Variants in SGIP1 observed in about 807,000 individuals in gnomAD.
SGIP1 encodes SH3GL interacting endocytic adaptor 1.
In SGIP1, 38 loss-of-function variants were observed where a neutral mutation model predicts 107.5. The ratio of observed to expected loss-of-function variants is 0.35; its 90% CI spans 0.27 to 0.46. The LOEUF (loss-of-function observed/expected upper bound fraction) is 0.46, where lower values mean the gene tolerates loss of function less well. Among genes scored for constraint, SGIP1 ranks in the 20% least tolerant of loss-of-function variants. The pLI is 1.00. For missense variants in SGIP1, 929 were observed against 1,019.5 expected (o/e 0.91, Z 1.21); for synonymous variants, 365 against 366.1 (o/e 1.00, Z 0.03).
In SGIP1 at chr1:66,692,784, G is replaced by A. The variant is rs191333159; in HGVS notation, c.1570+2468G>A. 1.7e-3 allele frequency among the ~76,000 whole-genome samples: 262 copies of A among 152,256 alleles called. 4 individuals carry two copies. The South Asian group carries it at 0.029, about 17-fold the overall frequency. The stretch of plus-strand genomic sequence containing the variant: ...TAATTCAAGAACTAAAGTTTTAAGA[G>A]CAAGTCTAAACCTTCTACACAGCAA... On this transcript the variant is annotated intron_variant, in intron 17 of 24. Coordinates refer to ENST00000371037, the MANE Select transcript of SGIP1 (RefSeq NM_032291.4).
rs185637606 is a variant in SGIP1, at chr1:66,651,492, A to G, written c.459+7773A>G. Reference sequence around the variant, plus strand: ...GATGAAAGCCATTGACTCTCTTTCTAGAAAAAAAAGTTCACTAGCTCATTC... The same window carrying G: ...GATGAAAGCCATTGACTCTCTTTCTGGAAAAAAAAGTTCACTAGCTCATTC... On this transcript the variant is annotated intron_variant, in intron 7 of 24. Transcript: ENST00000371037. Among the ~76,000 whole-genome samples, 981 of 148,586 alleles carry G rather than the reference A, an allele frequency of 6.6e-3. 13 individuals carry two copies. Among genetic ancestry groups the G allele is most frequent in the African/African-American group, 0.023 (922 of 40,904 alleles).
chr1:66,558,589 G>A (rs1220182495), intron 1 of SGIP1, among the ~76,000 whole-genome samples: 1 of 151,938 alleles, frequency 6.6e-6, no homozygotes, highest in Non-Finnish European at 1.5e-5. Context: ...CCTACTATGT[G>A]CCAGACACTG....
intron 19 of SGIP1, 96 bp downstream of exon 19, chr1:66,719,501 G>T: frequency 1.2e-6 from 1 of 858,080 alleles, no homozygotes; most frequent in Non-Finnish European, 1.7e-6. Context: ...CTTTTAAAAA[G>T]CAAAAAATAA....
intron 1 of SGIP1, among the ~76,000 whole-genome samples, chr1:66,535,007 T>C (rs1328843830): frequency 3.9e-5 from 6 of 152,292 alleles, no homozygotes; most frequent in African/African-American, 9.6e-5. Flanking sequence ...AAAAAGAATT[T>C]TGTGCTCCCT....
At position 66,750,572 on chromosome 1, in the gene SGIP1, A is replaced by G. The variant is rs2094610282; in HGVS notation, c.*7477A>G. Among the ~76,000 whole-genome samples the G allele has an allele frequency of 6.6e-6, 1 of 152,256 alleles. No homozygotes were observed. The highest frequency in any genetic ancestry group is 2.1e-4 in the South Asian group (1 of 4,830). ...ATAATTTCACAAAAATACCTTGGGCATAAAATACTTACAAAACTGTGAATT... is the reference window on the plus strand; with the variant it reads ...ATAATTTCACAAAAATACCTTGGGCGTAAAATACTTACAAAACTGTGAATT... On this transcript the variant is annotated 3_prime_UTR_variant, in exon 25 of 25. Coordinates refer to ENST00000371037, the MANE Select transcript of SGIP1 (RefSeq NM_032291.4).
intron 7 of SGIP1, among the ~76,000 whole-genome samples, chr1:66,647,842 T>C (rs2077934717): frequency 6.6e-6 from 1 of 152,170 alleles, no homozygotes; most frequent in African/African-American, 2.4e-5. Flanking sequence ...AAACCAAATA[T>C]GTAATTTTGT....
At position 66,741,265 on chromosome 1, in the gene SGIP1, T is replaced by C; in HGVS notation, c.2300-7T>C. On this transcript the variant is annotated splice_polypyrimidine_tract_variant and splice_region_variant and intron_variant, in intron 23 of 24. Coordinates refer to ENST00000371037, the MANE Select transcript of SGIP1 (RefSeq NM_032291.4). ...CTGTTACCTTGTAATAATGTGTTTT[T>C]TTTTAGGGGTGGGTTCTTTGTTGGC... 6.4e-7 allele frequency: 1 copy of C among 1,568,802 alleles called. No individual in the cohort carries two copies. The highest frequency in any genetic ancestry group is 8.6e-7 in the Non-Finnish European group (1 of 1,160,716).
At chr1:66,725,163 C>A (rs749546847) in intron 19 of SGIP1, among the ~76,000 whole-genome samples, 40 of 152,174 alleles carry the variant, frequency 2.6e-4, no homozygotes, top group Non-Finnish European at 3.7e-4. Context: ...AAATCCCATT[C>A]AGAGCACTAC....
rs766724484 is a variant in SGIP1, at chr1:66,682,267, T to C, written c.1213T>C (p.Leu405=). The change falls in exon 15 of 25, where the codon TTG becomes CTG. Residue 405 remains leucine, a synonymous_variant. Coordinates refer to ENST00000371037, the MANE Select transcript of SGIP1 (RefSeq NM_032291.4). ...ETISSPKDFG[L]GQRATPPPPP... is the part of the protein sequence containing the mutation. ...AATCTCATCTCCTAAAGATTTTGGG[T>C]TGGGACAAAGAGCAACTCCACCTCC... is the stretch of plus-strand genomic sequence containing the variant. The C allele has an allele frequency of 1.7e-5, 27 of 1,614,052 alleles. No individual in the cohort carries two copies. The Admixed American group carries it at 2.0e-4, about 12-fold the overall frequency.
chr1:66,540,756 T>C lies in SGIP1; in HGVS notation c.10+6388T>C, dbSNP rs72934178. 5.1e-3 allele frequency among the ~76,000 whole-genome samples: 770 copies of C among 152,312 alleles called. 3 individuals are homozygous for C. The highest frequency in any genetic ancestry group is 0.017 in the African/African-American group (727 of 41,570). On this transcript the variant is annotated intron_variant, in intron 1 of 24. Transcript: ENST00000371037. ...GTTGGGCTTTTTGGTTGAAAGAACA[T>C]GAACCCAGAAGTCAGACTTGAGTTT...
rs911308430 is a variant in SGIP1 at position 66,736,738 on chromosome 1, C to T, written c.2032-2597C>T. On this transcript the variant is annotated intron_variant, in intron 21 of 24. Transcript: ENST00000371037. ...CTAGCAGATATATATATTAAATATA[C>T]TTTTTAAATTTTATTTAATTGGTTT... 2.0e-5 allele frequency among the ~76,000 whole-genome samples: 3 copies of T among 151,288 alleles called. No homozygotes were observed. In the East Asian group the frequency reaches 5.8e-4, roughly 29 times the overall value.
At chr1:66,667,689 C>T (rs565060293) in intron 9 of SGIP1, 148 bp downstream of exon 9, 4 of 716,902 alleles carry the variant, frequency 5.6e-6, no homozygotes, top group African/African-American at 5.2e-5. Flanking sequence ...AGCCTCTGAC[C>T]CTCTTAAGTA....
intron 2 of SGIP1, among the ~76,000 whole-genome samples, chr1:66,630,829 A>AGAAAGAGAGAAAGAGAGAAAGAG (rs1558132763): frequency 4.3e-4 from 4 of 9,276 alleles, no homozygotes; most frequent in African/African-American, 1.8e-3. Flanking sequence ...GAAAGAAAGA[A>AGAAAGAGAGAAAGAGAGAAAGAG]AGAAAGAAAG....
chr1:66,561,089 A>G (rs2058870878), intron 1 of SGIP1, among the ~76,000 whole-genome samples: 1 of 152,112 alleles, frequency 6.6e-6, no homozygotes, highest in Non-Finnish European at 1.5e-5. Context: ...AATAACTAAC[A>G]TTAATTGAGC....
chr1:66,553,723 G>A (rs1479477213), intron 1 of SGIP1, among the ~76,000 whole-genome samples: 2 of 151,094 alleles, frequency 1.3e-5, no homozygotes, highest in Non-Finnish European at 2.9e-5. Context: ...ATTTGATTAA[G>A]AGCTACAGGA....
At chr1:66,536,173 C>G (rs2053555859) in intron 1 of SGIP1, among the ~76,000 whole-genome samples, 1 of 152,214 alleles carries the variant, frequency 6.6e-6, no homozygotes, top group Non-Finnish European at 1.5e-5. Context: ...TGTGCTGGAG[C>G]TGAATTAGCA....
At chr1:66,631,049 A>AAGAAAG (rs2074474585) in intron 2 of SGIP1, among the ~76,000 whole-genome samples, 4 of 35,084 alleles carry the variant, frequency 1.1e-4, no homozygotes, top group Admixed American at 3.3e-4. Context: ...GAAAGGAAGA[A>AAGAAAG]AGAAAGAAAG....
At chr1:66,631,380 A>T in intron 2 of SGIP1, among the ~76,000 whole-genome samples, 1 of 152,178 alleles carries the variant, frequency 6.6e-6, no homozygotes, top group South Asian at 2.1e-4. Flanking sequence ...CAAACTGGTT[A>T]ATTTCCACAT....
intron 1 of SGIP1, among the ~76,000 whole-genome samples, chr1:66,573,416 C>A (rs998296212): frequency 2.0e-5 from 3 of 151,890 alleles, no homozygotes; most frequent in Non-Finnish European, 2.9e-5. Context: ...GGGTATATAC[C>A]CAAAGGAATA....
Sources: gnomAD v4.1 joint callset for allele counts (sites outside exome capture counted in the v4.1 genomes callset) on GRCh38, gnomAD v4.1.1 for gene constraint, MANE v1.5 for transcripts, NCBI Gene and HGNC (gene_info 2026-07-23, HGNC 2026-07-21) for gene names.